Variants in SKI observed in about 807,000 individuals in gnomAD.
SKI encodes the protein SKI proto-oncogene.
Under a neutral mutation model 59.3 loss-of-function variants are expected in SKI, and 23 were observed. The ratio of observed to expected loss-of-function variants is 0.39; its 90% CI spans 0.28 to 0.55. The LOEUF (loss-of-function observed/expected upper bound fraction) is 0.55. Ranked by LOEUF, SKI falls within the 20% of genes least tolerant of loss-of-function variation. SKI has a pLI of 0.67. For missense variants in SKI, 1,017 were observed against 1,038.9 expected, an observed-to-expected ratio of 0.98 and a Z score of 0.29; for synonymous variants, 673 against 488.6, an observed-to-expected ratio of 1.38 and a Z score of -4.98.
At chr1:2,277,764 T>C (rs964617156) in intron 1 of SKI, among the ~76,000 whole-genome samples, 1 of 140,588 alleles carries the variant, frequency 7.1e-6, no homozygotes, top group South Asian at 2.4e-4. Context: ...TCAGGACCCA[T>C]GGGCACACGT....
intron 1 of SKI, among the ~76,000 whole-genome samples, chr1:2,232,051 A>AG (rs1408929559): frequency 6.6e-6 from 1 of 152,236 alleles, no homozygotes; most frequent in Non-Finnish European, 1.5e-5. Flanking sequence ...CACAGTGCCC[A>AG]GACCCTACTT....
intron 1 of SKI, among the ~76,000 whole-genome samples, chr1:2,239,670 G>T (rs546482024): frequency 6.6e-5 from 10 of 152,386 alleles, no homozygotes; most frequent in African/African-American, 2.2e-4. Context: ...ATGGTTGTGC[G>T]TGGGCCTTGG....
At chr1:2,298,384 G>A (rs1483576607) in intron 1 of SKI, among the ~76,000 whole-genome samples, 1 of 152,132 alleles carries the variant, frequency 6.6e-6, no homozygotes, top group Non-Finnish European at 1.5e-5. Flanking sequence ...ACATCATCAT[G>A]GCTGCTGCTG....
chr1:2,310,118 A>G lies in SKI; in HGVS notation c.*3353A>G, dbSNP rs1640714619. On this transcript the variant is annotated 3_prime_UTR_variant, in exon 7 of 7. Coordinates refer to ENST00000378536, the MANE Select transcript of SKI (RefSeq NM_003036.4). ...TTATAAATGCCTGATTTAAAAAGAA[A>G]AGAGCTTGGCATATTTATCTATTTC... is the stretch of plus-strand genomic sequence containing the variant. The G allele has an allele frequency of 6.6e-6, 1 of 151,746 alleles. No individual in the cohort carries two copies. 9.4% of individuals were successfully genotyped at this position (151,746 alleles called of 1,614,324 possible).
rs140889128 is a variant in SKI at position 2,303,939 on chromosome 1, C to T, written c.1311C>T (p.Ala437=). 0.01 allele frequency: 16,425 copies of T among 1,611,696 alleles called. 98 individuals carry two copies. Among genetic ancestry groups the T allele is most frequent in the Non-Finnish European group, 0.011 (13,306 of 1,179,558 alleles). The change falls in exon 4 of 7, where the codon GCC becomes GCT. Residue 437 remains alanine, a synonymous_variant. Coordinates refer to ENST00000378536, the MANE Select transcript of SKI (RefSeq NM_003036.4). This position sits in a 1 kb window ranked among gnomAD's most constrained non-coding sequence, Gnocchi z 5.6. ...TTGTGAGCAGCCCTCCGTGTGCCGCCGCCGTCTCCCGGGCCCCCGAGCCTC... is the reference window on the plus strand; with the variant it reads ...TTGTGAGCAGCCCTCCGTGTGCCGCTGCCGTCTCCCGGGCCCCCGAGCCTC... The part of the protein sequence containing the change: ...QKVVSSPPCA[A]AVSRAPEPLA...
intron 1 of SKI, among the ~76,000 whole-genome samples, chr1:2,298,063 C>T (rs909829233): frequency 4.6e-5 from 7 of 152,170 alleles, no homozygotes; most frequent in South Asian, 2.1e-4. Context: ...GGTGTGGAGA[C>T]GGAAGCCTGA....
chr1:2,252,663 G>C (rs1639189540), intron 1 of SKI, among the ~76,000 whole-genome samples: 1 of 152,174 alleles, frequency 6.6e-6, no homozygotes, highest in African/African-American at 2.4e-5. Context: ...TACCCGGCCA[G>C]CGTCCTCACA....
chr1:2,303,257 A>G lies in SKI; in HGVS notation c.1096-28A>G, dbSNP rs778834098. On this transcript the variant is annotated intron_variant, in intron 2 of 6. Transcript: ENST00000378536. This position sits in a 1 kb window ranked among gnomAD's most constrained non-coding sequence, Gnocchi z 5.6. Reference sequence around the variant, plus strand: ...GAAGTGGCTTGTTTTTCTCCTGGTCACTCACACAGACAACTCTTTCTCGAC... The same window carrying G: ...GAAGTGGCTTGTTTTTCTCCTGGTCGCTCACACAGACAACTCTTTCTCGAC... The G allele has an allele frequency of 6.2e-7, 1 of 1,609,272 alleles. No individual in the cohort carries two copies. The highest frequency in any genetic ancestry group is 1.1e-5 in the South Asian group (1 of 90,998).
chr1:2,293,973 T>C (rs12024136), intron 1 of SKI, among the ~76,000 whole-genome samples: 23,266 of 152,270 alleles, frequency 0.15, 1,927 homozygotes, highest in Middle Eastern at 0.23. Flanking sequence ...TCTGGGCTTT[T>C]CATTCTCCTT....
chr1:2,262,746 A>T (rs1379120026), intron 1 of SKI, among the ~76,000 whole-genome samples: 2 of 151,966 alleles, frequency 1.3e-5, no homozygotes, highest in African/African-American at 4.8e-5. Context: ...TAATTTATTG[A>T]GATTATTAAT....
In SKI at chr1:2,288,267, G is replaced by A. The variant is rs145784645; in HGVS notation, c.970-14711G>A. Among the ~76,000 whole-genome samples, 1,199 of 152,136 alleles carry A rather than the reference G, an allele frequency of 7.9e-3. 6 individuals are homozygous for A. Among genetic ancestry groups the A allele is most frequent in the Non-Finnish European group, 0.013 (899 of 68,004 alleles). ...CTCCCAAATAGCTGGGATTACAGGTGTGCACCACCATTCCCAGCTAATTTT... is the reference window on the plus strand; with the variant it reads ...CTCCCAAATAGCTGGGATTACAGGTATGCACCACCATTCCCAGCTAATTTT... On this transcript the variant is annotated intron_variant, in intron 1 of 6. Transcript: ENST00000378536.
intron 1 of SKI, among the ~76,000 whole-genome samples, chr1:2,287,420 T>A (rs1409596422): frequency 6.7e-6 from 1 of 149,912 alleles, no homozygotes; most frequent in Admixed American, 6.6e-5. Context: ...CACTGCAAGC[T>A]CCGCCTCCCG....
At position 2,309,869 on chromosome 1, in the gene SKI, CCCCT is replaced by C. The variant is rs1209372288; in HGVS notation, c.*3110_*3113del. On this transcript the variant is annotated 3_prime_UTR_variant, in exon 7 of 7. Coordinates refer to ENST00000378536, the MANE Select transcript of SKI (RefSeq NM_003036.4). ...GTGGGTCCGAACCCCGGCCCCCCCA[CCCCT>C]CCCTCAGCCCACCAGGGTCCAGGGA... 1 of 110,072 alleles carries C rather than the reference CCCCT, an allele frequency of 9.1e-6. No individual in the cohort carries two copies. Among genetic ancestry groups the C allele is most frequent in the Non-Finnish European group, 1.8e-5 (1 of 54,090 alleles). The allele number at this position is 110,072 out of a possible 1,614,324, so 6.8% of individuals were successfully genotyped here.
chr1:2,259,083 G>A (rs1214552138), intron 1 of SKI, among the ~76,000 whole-genome samples: 2 of 152,190 alleles, frequency 1.3e-5, no homozygotes, highest in Non-Finnish European at 2.9e-5. Context: ...TCCGAGGTAG[G>A]GACTGAGAAT....
chr1:2,306,089 C>G lies in SKI; in HGVS notation c.1837C>G (p.Arg613Gly). Residue 613 changes from arginine to glycine, a missense_variant, in exon 6 of 7, where the codon CGG becomes GGG. Arg to Gly is a moderately radical substitution (Grantham distance 125). Coordinates refer to ENST00000378536, the MANE Select transcript of SKI (RefSeq NM_003036.4). ...GGCCACGGAGGCCAAGCGTAACCTGCGGAAGGAGATCGAGCGTCTCCGCGC... is the reference window on the plus strand; with the variant it reads ...GGCCACGGAGGCCAAGCGTAACCTGGGGAAGGAGATCGAGCGTCTCCGCGC... Reference protein sequence around the residue: ...REATEAKRNLRKEIERLRAEN... With the variant: ...REATEAKRNLGKEIERLRAEN... The G allele has an allele frequency of 6.2e-7, 1 of 1,602,080 alleles. No homozygotes were observed. The highest frequency in any genetic ancestry group is 1.3e-5 in the African/African-American group (1 of 74,972).
At chr1:2,300,482 T>C (rs768558368) in intron 1 of SKI, among the ~76,000 whole-genome samples, 21 of 152,206 alleles carry the variant, frequency 1.4e-4, no homozygotes, top group Non-Finnish European at 2.8e-4. Flanking sequence ...GTTTTGTCCC[T>C]GACCGACAGC....
chr1:2,286,049 T>A (rs747641551), intron 1 of SKI, among the ~76,000 whole-genome samples: 1 of 151,892 alleles, frequency 6.6e-6, no homozygotes, highest in Non-Finnish European at 1.5e-5. Flanking sequence ...AATTTTTGTA[T>A]TTTTAGTAGA....
At chr1:2,304,247 G>T in intron 4 of SKI, 46 bp from the exon 5 acceptor site, 1 of 1,552,230 alleles carries the variant, frequency 6.4e-7, no homozygotes, top group Non-Finnish European at 8.7e-7. Context: ...GTGTGGAGCT[G>T]CCGGGCACTT....
In SKI at chr1:2,270,418, A is replaced by C. The variant is rs925413813; in HGVS notation, c.970-32560A>C. On this transcript the variant is annotated intron_variant, in intron 1 of 6. Transcript: ENST00000378536. This position sits in a 1 kb window ranked among gnomAD's most constrained non-coding sequence, Gnocchi z 4.1. ...TGAAGCCCCTGCGTTGGTCCCTCACAGGCCAGGGGGTGTGGCCACAGGGCC... is the reference window on the plus strand; with the variant it reads ...TGAAGCCCCTGCGTTGGTCCCTCACCGGCCAGGGGGTGTGGCCACAGGGCC... Among the ~76,000 whole-genome samples, 3 of 152,222 alleles carry C rather than the reference A, an allele frequency of 2.0e-5. No individual in the cohort carries two copies. The highest frequency in any genetic ancestry group is 7.2e-5 in the African/African-American group (3 of 41,462).
Sources: gnomAD v4.1 joint callset for allele counts (sites outside exome capture counted in the v4.1 genomes callset) on GRCh38, gnomAD v4.1.1 for gene constraint, Gnocchi (gnomAD v3.1) non-coding constraint, MANE v1.5 for transcripts, NCBI Gene and HGNC (gene_info 2026-07-23, HGNC 2026-07-21) for gene names.